Variants in PDE1A observed in about 807,000 individuals in gnomAD.
PDE1A encodes the protein phosphodiesterase 1A, also known as dual specificity calcium/calmodulin-dependent 3',5'-cyclic nucleotide phosphodiesterase 1A.
In PDE1A, 35 loss-of-function variants were observed where a neutral mutation model predicts 61.7. The observed-to-expected ratio is 0.57, with a 90% CI of 0.43 to 0.75. PDE1A has a LOEUF of 0.75. PDE1A is among the 30% of genes least tolerant of loss of function. PDE1A has a pLI of 0.00. For missense variants in PDE1A, 597 were observed against 630.6 expected (o/e 0.95, Z 0.57); for synonymous variants, 232 against 213.2 (o/e 1.09, Z -0.77).
At chr2:182,417,797 C>T (rs1280386481) in intron 1 of PDE1A, among the ~76,000 whole-genome samples, 1 of 152,076 alleles carries the variant, frequency 6.6e-6, no homozygotes, top group African/African-American at 2.4e-5. Context: ...AACCTTTCTA[C>T]CCCCAGAGTT....
chr2:182,636,894 CT>C, the PDE1A span, among the ~76,000 whole-genome samples: 1 of 152,200 alleles, frequency 6.6e-6, no homozygotes. Flanking sequence ...GGGGGCTGGT[CT>C]TTGCTCCTAG....
intron 12 of PDE1A, 46 bp from the exon 13 acceptor site, chr2:182,186,125 G>C: frequency 6.3e-7 from 1 of 1,583,310 alleles, no homozygotes; most frequent in South Asian, 1.1e-5. Context: ...TCAGGATATG[G>C]GGTGAACAAG....
intron 1 of PDE1A, among the ~76,000 whole-genome samples, chr2:182,374,909 G>A (rs1559390074): frequency 6.6e-6 from 1 of 152,196 alleles, no homozygotes; most frequent in African/African-American, 2.4e-5. Flanking sequence ...GGAAGGCAAG[G>A]AGAAAGTTTC....
At chr2:182,401,352 C>T (rs1701989024) in intron 1 of PDE1A, among the ~76,000 whole-genome samples, 1 of 152,166 alleles carries the variant, frequency 6.6e-6, no homozygotes, top group Non-Finnish European at 1.5e-5. Context: ...CCCTGGGATG[C>T]AAGGCTGGGT....
At chr2:182,330,215 G>C (rs558386427) in intron 1 of PDE1A, among the ~76,000 whole-genome samples, 1 of 151,782 alleles carries the variant, frequency 6.6e-6, no homozygotes. Flanking sequence ...ATGGTGGCGC[G>C]AGCCTGTAAT....
At chr2:182,184,690 C>T (rs978987269) in intron 13 of PDE1A, among the ~76,000 whole-genome samples, 3 of 152,174 alleles carry the variant, frequency 2.0e-5, no homozygotes, top group South Asian at 4.1e-4. Flanking sequence ...ATTGCATATA[C>T]GAATGTGTGT....
chr2:182,230,058 G>T, exon 6 of PDE1A: 1 of 1,612,520 alleles, frequency 6.2e-7, no homozygotes, highest in Non-Finnish European at 8.5e-7. Context: ...GACATCAGCT[G>T]CATGAATCAA....
the PDE1A span, among the ~76,000 whole-genome samples, chr2:182,711,966 G>A: frequency 6.6e-6 from 1 of 152,162 alleles, no homozygotes; most frequent in Non-Finnish European, 1.5e-5. Context: ...ATGTAACATT[G>A]CCATAGAAAA....
the PDE1A span, among the ~76,000 whole-genome samples, chr2:182,627,802 G>A: frequency 6.6e-6 from 1 of 151,834 alleles, no homozygotes; most frequent in African/African-American, 2.4e-5. Flanking sequence ...AATTTAGCCA[G>A]GCGTGGTGGT....
the PDE1A span, among the ~76,000 whole-genome samples, chr2:182,662,006 T>C: frequency 6.6e-6 from 1 of 151,856 alleles, no homozygotes; most frequent in Non-Finnish European, 1.5e-5. Flanking sequence ...AAAATTTATA[T>C]GAAAAAAATC....
chr2:182,401,397 A>G (rs1701991639), intron 1 of PDE1A, among the ~76,000 whole-genome samples: 1 of 152,228 alleles, frequency 6.6e-6, no homozygotes, highest in Non-Finnish European at 1.5e-5. Flanking sequence ...AATCCATCAC[A>G]TAAACAGAAC....
intron 13 of PDE1A, among the ~76,000 whole-genome samples, 166 bp from the exon 14 acceptor site, chr2:182,147,318 T>C (rs1310425232): frequency 6.6e-6 from 1 of 152,216 alleles, no homozygotes; most frequent in Non-Finnish European, 1.5e-5. Context: ...TTTCAGCCTG[T>C]GGATCTACAT....
chr2:182,152,473 T>C (rs187852966), intron 13 of PDE1A, among the ~76,000 whole-genome samples: 1 of 133,222 alleles, frequency 7.5e-6, no homozygotes, highest in East Asian at 2.4e-4. Context: ...CAGGCTGGAG[T>C]GCAATGGCAT....
chr2:182,422,349 C>G lies in PDE1A; in HGVS notation c.53+4229G>C, dbSNP rs1437106477. 2.6e-5 allele frequency among the ~76,000 whole-genome samples: 4 copies of G among 152,260 alleles called. No homozygotes were observed. The East Asian group carries it at 5.8e-4, about 22-fold the overall frequency. ...TTTAAATTCATTTTTTCACTGCCTA[C>G]TTCTGGAAAGAATTTGGAGAGACAA... is the stretch of plus-strand genomic sequence containing the variant. On this transcript the variant is annotated intron_variant, in intron 1 of 13. Coordinates refer to ENST00000351439, the Ensembl canonical transcript of PDE1A.
At chr2:182,611,610 G>A in the PDE1A span, among the ~76,000 whole-genome samples, 2 of 152,004 alleles carry the variant, frequency 1.3e-5, no homozygotes, top group Non-Finnish European at 2.9e-5. Context: ...CTTAACTTAC[G>A]ACCTAAAATA....
the PDE1A span, among the ~76,000 whole-genome samples, chr2:182,651,094 C>A: frequency 2.0e-5 from 3 of 152,172 alleles, no homozygotes; most frequent in Non-Finnish European, 4.4e-5. Context: ...GCAACCTCTG[C>A]CTCCCAGGTT....
At chr2:182,166,559 C>T (rs997998551), downstream of PDE1A, among the ~76,000 whole-genome samples, 14 of 152,264 alleles carry the variant, frequency 9.2e-5, no homozygotes, top group African/African-American at 2.6e-4. Context: ...CCTGGTTTCT[C>T]GGCTTTTGCA....
the PDE1A span, among the ~76,000 whole-genome samples, chr2:182,598,828 A>G: frequency 6.6e-6 from 1 of 152,156 alleles, no homozygotes; most frequent in African/African-American, 2.4e-5. Context: ...ATAACCACAA[A>G]ACTTTGTGGC....
intron 1 of PDE1A, among the ~76,000 whole-genome samples, chr2:182,287,170 T>A (rs572514589): frequency 6.6e-6 from 1 of 152,190 alleles, no homozygotes; most frequent in South Asian, 2.1e-4. Context: ...ATGATCTTTA[T>A]ACCAGCTCTT....
Sources: gnomAD v4.1 joint callset for allele counts (sites outside exome capture counted in the v4.1 genomes callset) on GRCh38, gnomAD v4.1.1 for gene constraint, MANE v1.5 for transcripts, NCBI Gene and HGNC (gene_info 2026-07-23, HGNC 2026-07-21) for gene names.